Variants in PGAP3 observed in about 807,000 individuals in gnomAD.
PGAP3 encodes the protein post-GPI attachment to proteins phospholipase 3.
A neutral mutation model predicts 40.3 loss-of-function variants in PGAP3; 31 were observed. The ratio of observed to expected loss-of-function variants is 0.77; its 90% CI spans 0.58 to 1.04. The LOEUF (loss-of-function observed/expected upper bound fraction) is 1.04. PGAP3 is among the 50% of genes least tolerant of loss of function. The pLI is 0.00. For synonymous variants in PGAP3, 191 were observed against 184.5 expected (o/e 1.04, Z -0.29); for missense variants, 413 against 423.0 (o/e 0.98, Z 0.21).
intron 5 of PGAP3, 166 bp from the exon 6 acceptor site, chr17:39,673,816 A>G (rs1359701869): frequency 8.2e-7 from 1 of 1,215,214 alleles, no homozygotes. Context: ...GCTCCTTGTC[A>G]GGAGCCAGGG....
chr17:39,673,724 C>G, intron 5 of PGAP3, 74 bp from the exon 6 acceptor site: 1 of 1,578,002 alleles, frequency 6.3e-7, no homozygotes, highest in Non-Finnish European at 8.6e-7. Flanking sequence ...AGCATCTCCT[C>G]CCCCCAACAT....
At chr17:39,675,409 T>C (rs1385142083) in intron 3 of PGAP3, among the ~76,000 whole-genome samples, 1 of 152,136 alleles carries the variant, frequency 6.6e-6, no homozygotes, top group Non-Finnish European at 1.5e-5. Flanking sequence ...CTTGTGGGCG[T>C]TGGTGCTGGC....
intron 3 of PGAP3, among the ~76,000 whole-genome samples, chr17:39,677,471 G>A (rs568828808): frequency 1.1e-4 from 17 of 152,238 alleles, no homozygotes; most frequent in African/African-American, 4.1e-4. Flanking sequence ...AATGTGAACC[G>A]AACAGATCCA....
chr17:39,687,553 A>C (rs564868050), intron 1 of PGAP3, among the ~76,000 whole-genome samples: 1 of 152,338 alleles, frequency 6.6e-6, no homozygotes, highest in African/African-American at 2.4e-5. Flanking sequence ...GGGGACTGTG[A>C]GTCCCAATGG....
chr17:39,677,115 G>A (rs2057384275), intron 3 of PGAP3, among the ~76,000 whole-genome samples: 3 of 152,200 alleles, frequency 2.0e-5, no homozygotes, highest in Admixed American at 2.0e-4. Context: ...CAGTATGTGT[G>A]AGCCTCCACT....
Position 39,685,902 on chromosome 17 carries a change from A to C in PGAP3, c.279+20T>G. The C allele has an allele frequency of 6.2e-7, 1 of 1,604,386 alleles. No homozygotes were observed. The highest frequency in any genetic ancestry group is 1.1e-5 in the South Asian group (1 of 90,788). Reference sequence around the variant, plus strand: ...CCTACCACGCTACTACCATATGCCTACCCTGACCCTCCAACTCACCTTGCC... The same window carrying C: ...CCTACCACGCTACTACCATATGCCTCCCCTGACCCTCCAACTCACCTTGCC... On this transcript the variant is annotated intron_variant, in intron 2 of 7. Transcript: ENST00000300658.
At chr17:39,678,894 A>T (rs1254051473) in intron 3 of PGAP3, among the ~76,000 whole-genome samples, 3 of 152,092 alleles carry the variant, frequency 2.0e-5, no homozygotes, top group Non-Finnish European at 2.9e-5. Context: ...CATAAGACAC[A>T]CAGGGCCCAA....
chr17:39,686,977 C>T (rs766893947), intron 1 of PGAP3, among the ~76,000 whole-genome samples: 2 of 152,168 alleles, frequency 1.3e-5, no homozygotes, highest in Non-Finnish European at 2.9e-5. Context: ...AATTCTTCAA[C>T]CTGACTTTTG....
intron 5 of PGAP3, 110 bp downstream of exon 5, chr17:39,673,883 G>T: frequency 7.4e-7 from 1 of 1,354,598 alleles, no homozygotes; most frequent in Non-Finnish European, 1.0e-6. Context: ...GGGGGTTGGG[G>T]GGCGTAGGTG....
In PGAP3 at chr17:39,682,225, C is replaced by CAAAAAAAAAAAA. The variant is rs60959390; in HGVS notation, c.432+2360_432+2371dup. Among the ~76,000 whole-genome samples, 4 of 22,830 alleles carry CAAAAAAAAAAAA rather than the reference C, an allele frequency of 1.8e-4. 2 individuals carry two copies. Among genetic ancestry groups the CAAAAAAAAAAAA allele is most frequent in the African/African-American group, 5.3e-4 (4 of 7,550 alleles). The allele number at this position is 22,830 out of a possible 152,430, so 15.0% of individuals were successfully genotyped here. On this transcript the variant is annotated intron_variant, in intron 3 of 7. Transcript: ENST00000300658. Reference sequence around the variant, plus strand: ...TGGGTGACAGAGTGAGACTCTGTCTCAAAAAAAAAAAAAAAAAAAAAAAAA... The same window carrying CAAAAAAAAAAAA: ...TGGGTGACAGAGTGAGACTCTGTCTCAAAAAAAAAAAAAAAAAAAAAAAAAAAAAAAAAAAAA...
intron 3 of PGAP3, among the ~76,000 whole-genome samples, chr17:39,683,032 C>T (rs1405584638): frequency 1.3e-5 from 2 of 152,026 alleles, no homozygotes; most frequent in African/African-American, 2.4e-5. Flanking sequence ...GCCAAGATAG[C>T]GCCACTGCAC....
intron 7 of PGAP3, 68 bp from the exon 8 acceptor site, chr17:39,672,934 G>A: frequency 6.3e-7 from 1 of 1,588,178 alleles, no homozygotes; most frequent in Non-Finnish European, 8.6e-7. Context: ...CAAGGGTGGG[G>A]TGCATGCAGG....
chr17:39,680,884 AC>A (rs1197509763), intron 3 of PGAP3, among the ~76,000 whole-genome samples: 2 of 149,926 alleles, frequency 1.3e-5, no homozygotes, highest in Non-Finnish European at 3.0e-5. Context: ...AAGACAGGTC[AC>A]CCTTTGTCAC....
intron 3 of PGAP3, among the ~76,000 whole-genome samples, chr17:39,682,869 G>A (rs2057460523): frequency 6.6e-6 from 1 of 152,046 alleles, no homozygotes; most frequent in Non-Finnish European, 1.5e-5. Flanking sequence ...ACGAGGTCAG[G>A]AGTTCAAGAC....
intron 3 of PGAP3, among the ~76,000 whole-genome samples, chr17:39,683,844 G>C (rs970953124): frequency 1.3e-5 from 2 of 151,970 alleles, no homozygotes; most frequent in South Asian, 4.1e-4. Flanking sequence ...GGCTGAGCTC[G>C]CCAGGTGCAG....
At chr17:39,674,819 C>G in intron 3 of PGAP3, 140 bp from the exon 4 acceptor site, 4 of 844,832 alleles carry the variant, frequency 4.7e-6, no homozygotes, top group Non-Finnish European at 7.3e-6. Context: ...CTGGAGCCCT[C>G]TGAACAAACC....
At position 39,671,125 on chromosome 17, in the gene PGAP3, G is replaced by A. The variant is rs1204791446; in HGVS notation, c.*1678C>T. 4 of 152,388 alleles carry A rather than the reference G, an allele frequency of 2.6e-5. No individual in the cohort carries two copies. The highest frequency in any genetic ancestry group is 9.7e-5 in the African/African-American group (4 of 41,450). The allele number at this position is 152,388 out of a possible 1,614,324, so 9.4% of individuals were successfully genotyped here. A position where few individuals can be genotyped will look rare whatever the true frequency, so the allele number is the denominator to read the frequency against. On this transcript the variant is annotated 3_prime_UTR_variant, in exon 8 of 8. Transcript: ENST00000300658. ...AAATGAGCTGAACAAGGGCAGGTGAGGCTTGGAATTGATTTATTAAGCACA... is the reference window on the plus strand; with the variant it reads ...AAATGAGCTGAACAAGGGCAGGTGAAGCTTGGAATTGATTTATTAAGCACA...
chr17:39,677,783 C>T (rs963424124), intron 3 of PGAP3, among the ~76,000 whole-genome samples: 3 of 152,142 alleles, frequency 2.0e-5, no homozygotes, highest in Non-Finnish European at 2.9e-5. Flanking sequence ...ATAAGAAAAT[C>T]GAGACAAAAA....
chr17:39,682,963 G>T (rs1456223430), intron 3 of PGAP3, among the ~76,000 whole-genome samples: 2 of 152,126 alleles, frequency 1.3e-5, no homozygotes, highest in Non-Finnish European at 2.9e-5. Context: ...TGTAGTCCCA[G>T]CTGCTCAGGA....
Sources: gnomAD v4.1 joint callset for allele counts (sites outside exome capture counted in the v4.1 genomes callset) on GRCh38, gnomAD v4.1.1 for gene constraint, MANE v1.5 for transcripts, NCBI Gene and HGNC (gene_info 2026-07-23, HGNC 2026-07-21) for gene names.